The following ARID4B variants were observed in gnomAD, a reference collection of about 807,000 sequenced individuals.
ARID4B encodes the protein AT-rich interactive domain-containing protein 4B.
A neutral mutation model predicts 147.5 loss-of-function variants in ARID4B; 26 were observed. The ratio of observed to expected loss-of-function variants is 0.18; its 90% CI spans 0.13 to 0.24. The LOEUF (loss-of-function observed/expected upper bound fraction) is 0.24, where lower values mean the gene tolerates loss of function less well. ARID4B is among the 10% of genes least tolerant of loss of function. ARID4B has a pLI of 1.00. For synonymous variants in ARID4B, 512 were observed against 507.9 expected (o/e 1.01, Z -0.11); for missense variants, 1,179 against 1,511.5 (o/e 0.78, Z 3.65).
At chr1:235,250,303 A>G (rs1669564806) in intron 6 of ARID4B, among the ~76,000 whole-genome samples, 1 of 151,886 alleles carries the variant, frequency 6.6e-6, no homozygotes, top group African/African-American at 2.4e-5. Context: ...AATGTTATGG[A>G]CTACTACTAC....
chr1:235,252,764 C>A lies in ARID4B; in HGVS notation c.320G>T (p.Cys107Phe). The A allele has an allele frequency of 6.2e-7, 1 of 1,611,598 alleles. No homozygotes were observed. Among genetic ancestry groups the A allele is most frequent in the Non-Finnish European group, 8.5e-7 (1 of 1,178,758 alleles). The change falls in exon 6 of 24, where the codon TGC becomes TTC. Residue 107 changes from cysteine (C) to phenylalanine (F), a missense_variant. Cys to Phe is a radical substitution (Grantham distance 205). Around this residue, in one of 10 missense-constraint regions of ARID4B, gnomAD observed 19 missense variants for 46.7 expected, o/e 0.41. Coordinates refer to ENST00000264183, the MANE Select transcript of ARID4B (RefSeq NM_016374.6). ...DEKTLRRSSL[C>F]LKGERHFAES... ...AGCAAAATGCCTCTCTCCTTTCAGG[C>A]ACAGTGAAGATCGTCTCAGTGTCTT...
chr1:235,271,774 C>T lies in ARID4B; in HGVS notation c.7-11022G>A, dbSNP rs976579182. On this transcript the variant is annotated intron_variant, in intron 2 of 23. Transcript: ENST00000264183. Reference sequence around the variant, plus strand: ...GACCAGCCTGACCAACATAGTGAAACCCTGTCTCTAATAAAAATAAAAAAA... The same window carrying T: ...GACCAGCCTGACCAACATAGTGAAATCCTGTCTCTAATAAAAATAAAAAAA... Among the ~76,000 whole-genome samples, 3 of 151,848 alleles carry T rather than the reference C, an allele frequency of 2.0e-5. No individual in the cohort carries two copies. In the South Asian group the frequency reaches 6.2e-4, roughly 32 times the overall value.
At chr1:235,181,135 T>G (rs1445898831) in intron 20 of ARID4B, 1 of 1,024,520 alleles carries the variant, frequency 9.8e-7, no homozygotes, top group Non-Finnish European at 1.2e-6. Context: ...GCCTGGACAG[T>G]TGGTTGCTCC....
chr1:235,172,148 A>T (rs559019107), intron 23 of ARID4B, among the ~76,000 whole-genome samples: 1 of 152,306 alleles, frequency 6.6e-6, no homozygotes, highest in Admixed American at 6.5e-5. Flanking sequence ...ATCTGAAATA[A>T]TTTTTTTATT....
At chr1:235,179,748 G>A (rs971341448) in intron 20 of ARID4B, among the ~76,000 whole-genome samples, 6 of 150,782 alleles carry the variant, frequency 4.0e-5, no homozygotes, top group African/African-American at 1.5e-4. Flanking sequence ...AAGATATTAC[G>A]AACATAATAA....
intron 20 of ARID4B, chr1:235,181,344 G>A (rs1277576391): frequency 1.1e-5 from 7 of 626,362 alleles, no homozygotes; most frequent in Non-Finnish European, 1.0e-5. Context: ...TTTCTAGCAT[G>A]TGTTCTGGTC....
chr1:235,208,919 G>C (rs776666358), intron 17 of ARID4B, among the ~76,000 whole-genome samples: 9 of 152,122 alleles, frequency 5.9e-5, no homozygotes, highest in Non-Finnish European at 1.0e-4. Flanking sequence ...AACATGCCTA[G>C]TGCTTGGTGA....
In ARID4B at chr1:235,255,835, T is replaced by C; in HGVS notation, c.184-85A>G. 4.8e-6 allele frequency: 4 copies of C among 826,664 alleles called. No homozygotes were observed. In the Middle Eastern group the frequency reaches 7.7e-4, roughly 160 times the overall value. The allele number at this position is 826,664 out of a possible 1,614,324, so 51.2% of individuals were successfully genotyped here. On this transcript the variant is annotated intron_variant, in intron 4 of 23. Coordinates refer to ENST00000264183, the MANE Select transcript of ARID4B (RefSeq NM_016374.6). The stretch of plus-strand genomic sequence containing the variant: ...CTGGGTTTGTTTTCTTTTAACTGAG[T>C]GCATGATGGTGAAGAATAAAATGAC...
intron 2 of ARID4B, among the ~76,000 whole-genome samples, chr1:235,307,870 C>T (rs535345461): frequency 2.6e-5 from 4 of 152,176 alleles, no homozygotes; most frequent in South Asian, 2.1e-4. Flanking sequence ...CTCGCTCTGT[C>T]GCCCAGGCTG....
At chr1:235,184,000 A>T (rs1164085719) in intron 19 of ARID4B, among the ~76,000 whole-genome samples, 1 of 151,846 alleles carries the variant, frequency 6.6e-6, no homozygotes. Context: ...GCTGGTCTTG[A>T]ACTCCTGAGC....
chr1:235,265,208 T>G (rs1670527693), intron 2 of ARID4B, among the ~76,000 whole-genome samples: 1 of 149,026 alleles, frequency 6.7e-6, no homozygotes, highest in Non-Finnish European at 1.5e-5. Flanking sequence ...CTACTAAAAA[T>G]ACAAAACATT....
intron 7 of ARID4B, among the ~76,000 whole-genome samples, chr1:235,244,662 AT>A (rs1321528598): frequency 6.6e-6 from 1 of 152,200 alleles, no homozygotes; most frequent in Non-Finnish European, 1.5e-5. Flanking sequence ...AAGAAAACAA[AT>A]TTGGTGATAC....
intron 2 of ARID4B, among the ~76,000 whole-genome samples, chr1:235,302,177 ACAGCAAAAAAAAACAAAGAAACAAGG>A (rs1673212118): frequency 8.3e-6 from 1 of 120,176 alleles, no homozygotes; most frequent in Non-Finnish European, 1.7e-5. Context: ...AAAAAAAAAA[ACAGCAAAAAAAAACAAAGAAACAAGG>A]AAAAGGAAGG....
At chr1:235,217,901 G>A (rs1012027838) in intron 16 of ARID4B, among the ~76,000 whole-genome samples, 3 of 152,120 alleles carry the variant, frequency 2.0e-5, no homozygotes, top group African/African-American at 4.8e-5. Context: ...GCCTGAAACC[G>A]TGGATAGTAC....
In ARID4B at chr1:235,294,894, A is replaced by C. The variant is rs553638501; in HGVS notation, c.6+32020T>G. 2.6e-3 allele frequency among the ~76,000 whole-genome samples: 397 copies of C among 151,642 alleles called. 3 individuals are homozygous for C. Among genetic ancestry groups the C allele is most frequent in the African/African-American group, 9.2e-3 (380 of 41,416 alleles). Reference sequence around the variant, plus strand: ...AAAAAATTGAAAAGGAAAAAACAGCACTCCTTAGAAACCAAAACCAAACTG... The same window carrying C: ...AAAAAATTGAAAAGGAAAAAACAGCCCTCCTTAGAAACCAAAACCAAACTG... On this transcript the variant is annotated intron_variant, in intron 2 of 23. Transcript: ENST00000264183.
At chr1:235,280,811 G>A (rs951428795) in intron 2 of ARID4B, among the ~76,000 whole-genome samples, 15 of 152,218 alleles carry the variant, frequency 9.9e-5, no homozygotes, top group African/African-American at 1.4e-4. Flanking sequence ...GGGGATAAAG[G>A]TGCAAGCAAA....
At chr1:235,249,240 C>T (rs1010341629) in intron 6 of ARID4B, among the ~76,000 whole-genome samples, 4 of 151,852 alleles carry the variant, frequency 2.6e-5, no homozygotes, top group Non-Finnish European at 5.9e-5. Context: ...GGCTGAGGCA[C>T]GAGAATCGCT....
At chr1:235,306,339 T>C (rs1308630621) in intron 2 of ARID4B, among the ~76,000 whole-genome samples, 1 of 151,814 alleles carries the variant, frequency 6.6e-6, no homozygotes, top group Non-Finnish European at 1.5e-5. Flanking sequence ...CCGTCTCTAC[T>C]AAAAATACAA....
At chr1:235,291,862 C>G (rs1347160524) in intron 2 of ARID4B, among the ~76,000 whole-genome samples, 5 of 152,032 alleles carry the variant, frequency 3.3e-5, no homozygotes, top group African/African-American at 1.2e-4. Flanking sequence ...AATTTACAAG[C>G]TGAAAGTAAA....
Sources: allele counts gnomAD v4.1 joint callset (sites outside exome capture counted in the v4.1 genomes callset), GRCh38; gene constraint gnomAD v4.1.1; regional missense constraint gnomAD v4.1.1; transcripts MANE v1.5; gene names NCBI Gene and HGNC (gene_info 2026-07-23, HGNC 2026-07-21).